RIC8B: variants seen among roughly 807,000 people sequenced by gnomAD.
RIC8B encodes chaperone Ric-8B.
In RIC8B, 16 loss-of-function variants were observed where a neutral mutation model predicts 57.5. That is an observed-to-expected ratio of 0.28 (90% CI 0.19 to 0.42). The LOEUF is 0.42. RIC8B is among the 10% of genes least tolerant of loss of function. RIC8B has a pLI of 1.00. For synonymous variants in RIC8B, 216 were observed against 250.8 expected (o/e 0.86, Z 1.31); for missense variants, 481 against 677.0 (o/e 0.71, Z 3.21).
chr12:106,843,306 C>T (rs1449588230), intron 5 of RIC8B, among the ~76,000 whole-genome samples: 2 of 152,152 alleles, frequency 1.3e-5, no homozygotes, highest in Non-Finnish European at 2.9e-5. Context: ...GTAGCATAGT[C>T]CAGTCACCAA....
chr12:106,775,856 A>G (rs1194397976), intron 1 of RIC8B, among the ~76,000 whole-genome samples: 1 of 152,230 alleles, frequency 6.6e-6, no homozygotes, highest in African/African-American at 2.4e-5. Flanking sequence ...CCTAGCTGTT[A>G]ATGTTTTTCT....
chr12:106,883,753 A>G (rs928971409), intron 9 of RIC8B, among the ~76,000 whole-genome samples: 8 of 151,764 alleles, frequency 5.3e-5, no homozygotes, highest in African/African-American at 1.5e-4. Context: ...ACCAATTCCA[A>G]TGTGTCTATC....
At chr12:106,836,965 T>G (rs1481113396) in intron 4 of RIC8B, among the ~76,000 whole-genome samples, 1 of 152,228 alleles carries the variant, frequency 6.6e-6, no homozygotes, top group African/African-American at 2.4e-5. Context: ...GCTTTTACTC[T>G]TCTTCCTCTG....
chr12:106,794,949 A>T (rs377031398), intron 2 of RIC8B, among the ~76,000 whole-genome samples: 1 of 152,230 alleles, frequency 6.6e-6, no homozygotes, highest in Non-Finnish European at 1.5e-5. Context: ...TATGTATATA[A>T]TGTATTGTTC....
chr12:106,811,001 C>G (rs892298172), intron 2 of RIC8B, among the ~76,000 whole-genome samples: 1 of 152,180 alleles, frequency 6.6e-6, no homozygotes, highest in Non-Finnish European at 1.5e-5. Context: ...TCTTAATTAC[C>G]ACACTGATTT....
intron 8 of RIC8B, among the ~76,000 whole-genome samples, chr12:106,863,685 G>GT (rs1324066224): frequency 6.6e-6 from 1 of 152,078 alleles, no homozygotes; most frequent in African/African-American, 2.4e-5. Context: ...ACCTGTTACT[G>GT]TAAGCAGTCA....
At chr12:106,787,349 A>G (rs1475980858) in intron 2 of RIC8B, among the ~76,000 whole-genome samples, 1 of 152,264 alleles carries the variant, frequency 6.6e-6, no homozygotes, top group Non-Finnish European at 1.5e-5. Context: ...AGACTTAGAC[A>G]TCAGAACTAT....
At chr12:106,793,225 T>C (rs2044334524) in intron 2 of RIC8B, among the ~76,000 whole-genome samples, 1 of 152,186 alleles carries the variant, frequency 6.6e-6, no homozygotes, top group African/African-American at 2.4e-5. Flanking sequence ...TCAGTTGAGC[T>C]GTCAGCCCTA....
intron 2 of RIC8B, among the ~76,000 whole-genome samples, chr12:106,797,627 T>C (rs1198087306): frequency 2.0e-5 from 3 of 152,240 alleles, no homozygotes; most frequent in Admixed American, 6.5e-5. Context: ...TTGCATGCTT[T>C]AACAAGTTGA....
chr12:106,850,106 C>T (rs934519642), intron 6 of RIC8B, among the ~76,000 whole-genome samples: 3 of 152,222 alleles, frequency 2.0e-5, no homozygotes, highest in African/African-American at 4.8e-5. Flanking sequence ...TTGCGAACTG[C>T]ACATGCAAGG....
chr12:106,874,398 G>T, intron 9 of RIC8B: 1 of 1,048,062 alleles, frequency 9.5e-7, no homozygotes. Context: ...CACCTGAATT[G>T]AAAGGCATGT....
chr12:106,841,606 A>C (rs1948953148), intron 4 of RIC8B, among the ~76,000 whole-genome samples: 1 of 152,080 alleles, frequency 6.6e-6, no homozygotes, highest in African/African-American at 2.4e-5. Context: ...CATTTGCAGG[A>C]GTTTATTTTT....
chr12:106,804,861 C>G (rs929511540), intron 2 of RIC8B, among the ~76,000 whole-genome samples: 1 of 152,144 alleles, frequency 6.6e-6, no homozygotes, highest in African/African-American at 2.4e-5. Context: ...GAAGGGATTA[C>G]TTCCTGCTGG....
intron 4 of RIC8B, among the ~76,000 whole-genome samples, chr12:106,828,785 C>A (rs1051671652): frequency 2.0e-5 from 3 of 152,164 alleles, no homozygotes; most frequent in African/African-American, 4.8e-5. Context: ...TATTTTAAAT[C>A]TTTTTTTAAA....
chr12:106,846,736 A>G (rs1046101984), intron 6 of RIC8B, among the ~76,000 whole-genome samples: 1 of 151,986 alleles, frequency 6.6e-6, no homozygotes, highest in East Asian at 1.9e-4. Flanking sequence ...AAAAAAAAAA[A>G]AAACCTATTA....
At chr12:106,785,813 C>CTCTCTCTG (rs1376526047) in intron 2 of RIC8B, among the ~76,000 whole-genome samples, 1 of 123,852 alleles carries the variant, frequency 8.1e-6, no homozygotes, top group African/African-American at 3.1e-5. Context: ...CTCTCTCTCT[C>CTCTCTCTG]TGTGTGTGTG....
rs1181237275 is a variant in RIC8B, at chr12:106,788,159, A to C, written c.132+4115A>C. ...AGTCTGAAATCCAGCAGGGCAGTAAAATTTTAAAGCTCCAAAATGATCTCC... is the reference window on the plus strand; with the variant it reads ...AGTCTGAAATCCAGCAGGGCAGTAACATTTTAAAGCTCCAAAATGATCTCC... On this transcript the variant is annotated intron_variant, in intron 2 of 9. Transcript: ENST00000392837. Among the ~76,000 whole-genome samples the C allele has an allele frequency of 8.5e-5, 13 of 152,298 alleles. No homozygotes were observed. The East Asian group carries it at 2.5e-3, about 29-fold the overall frequency.
intron 8 of RIC8B, among the ~76,000 whole-genome samples, chr12:106,865,871 GAC>G (rs1950117549): frequency 6.6e-6 from 1 of 152,194 alleles, no homozygotes; most frequent in Non-Finnish European, 1.5e-5. Flanking sequence ...AGGCACTGCA[GAC>G]ACACTCCTGC....
chr12:106,783,729 C>G (rs533070726), intron 1 of RIC8B, among the ~76,000 whole-genome samples: 26 of 152,334 alleles, frequency 1.7e-4, no homozygotes, highest in African/African-American at 6.3e-4. Flanking sequence ...CACAAATGCT[C>G]TGTATTCTGT....
Sources: gnomAD v4.1 joint callset for allele counts (sites outside exome capture counted in the v4.1 genomes callset) on GRCh38, gnomAD v4.1.1 for gene constraint, MANE v1.5 for transcripts, NCBI Gene and HGNC (gene_info 2026-07-23, HGNC 2026-07-21) for gene names.